TENM3: variants seen among roughly 807,000 people sequenced by gnomAD.
TENM3 encodes the protein teneurin transmembrane protein 3.
In TENM3, 63 loss-of-function variants were observed where a neutral mutation model predicts 255.1. The ratio of observed to expected loss-of-function variants is 0.25; its 90% CI spans 0.20 to 0.30. The LOEUF is 0.30. TENM3 is among the 10% of genes least tolerant of loss of function. The pLI, the probability that TENM3 is intolerant of heterozygous loss-of-function variation, is 1.00. For missense variants in TENM3, 2,929 were observed against 3,461.1 expected (o/e 0.85, Z 3.86); for synonymous variants, 1,306 against 1,322.3 (o/e 0.99, Z 0.27).
the TENM3 span, among the ~76,000 whole-genome samples, chr4:181,879,926 A>G: frequency 6.6e-6 from 1 of 152,238 alleles, no homozygotes; most frequent in East Asian, 1.9e-4. Flanking sequence ...TTTTAAAAAT[A>G]AAATAAGTGA....
rs568250146 is a variant in TENM3, at chr4:182,643,238, G to A, written c.989-10533G>A. Among the ~76,000 whole-genome samples the A allele has an allele frequency of 2.8e-4, 43 of 152,122 alleles. No homozygotes were observed. The East Asian group carries it at 6.9e-3, about 25-fold the overall frequency. ...AGCACATGAAATACACATGTGCATC[G>A]TGTATATTTATGTATTCATGAAATT... On this transcript the variant is annotated intron_variant, in intron 5 of 27. Transcript: ENST00000511685.
chr4:181,629,842 C>T, the TENM3 span, among the ~76,000 whole-genome samples: 1 of 152,128 alleles, frequency 6.6e-6, no homozygotes, highest in Non-Finnish European at 1.5e-5. Flanking sequence ...CAGGATGATG[C>T]CGACCTCATA....
intron 12 of TENM3, among the ~76,000 whole-genome samples, chr4:182,707,605 T>C (rs890552594): frequency 6.6e-5 from 10 of 152,240 alleles, no homozygotes; most frequent in African/African-American, 2.2e-4. Flanking sequence ...TTTGTTGATA[T>C]TGAAAATTTA....
At chr4:182,197,949 A>G (rs1174400288) in intron 1 of TENM3, among the ~76,000 whole-genome samples, 1 of 152,120 alleles carries the variant, frequency 6.6e-6, no homozygotes, top group African/African-American at 2.4e-5. Flanking sequence ...TACTAAAAAT[A>G]CATAACTTAG....
the TENM3 span, among the ~76,000 whole-genome samples, chr4:181,690,063 C>G: frequency 6.6e-6 from 1 of 152,102 alleles, no homozygotes; most frequent in African/African-American, 2.4e-5. Context: ...AAATGTGATT[C>G]CCAGGCACCC....
chr4:182,540,509 C>T (rs953250288), intron 3 of TENM3, among the ~76,000 whole-genome samples: 4 of 152,126 alleles, frequency 2.6e-5, no homozygotes, highest in Admixed American at 2.0e-4. Context: ...ATCACTTGAA[C>T]CCAGGAGGCG....
chr4:182,368,805 T>A (rs559714671), intron 3 of TENM3, among the ~76,000 whole-genome samples: 1 of 152,324 alleles, frequency 6.6e-6, no homozygotes, highest in South Asian at 2.1e-4. Context: ...GTACGGCATG[T>A]GCAGCCCATC....
chr4:182,137,342 C>CG, the TENM3 span, among the ~76,000 whole-genome samples: 4 of 151,688 alleles, frequency 2.6e-5, no homozygotes, highest in Non-Finnish European at 5.9e-5. Flanking sequence ...CTCCCCCCCC[C>CG]CAAAAAGGAA....
chr4:181,469,715 T>C, the TENM3 span, among the ~76,000 whole-genome samples: 3 of 152,158 alleles, frequency 2.0e-5, no homozygotes, highest in Non-Finnish European at 4.4e-5. Context: ...ATTTGTCTGG[T>C]TATTTCCCTG....
intron 3 of TENM3, among the ~76,000 whole-genome samples, chr4:182,433,149 A>G (rs1198201350): frequency 6.6e-6 from 1 of 152,160 alleles, no homozygotes; most frequent in Non-Finnish European, 1.5e-5. Flanking sequence ...AAATATTTTG[A>G]ATCTAACCAG....
At chr4:182,714,314 C>CAA (rs1758981844) in intron 13 of TENM3, 81 bp downstream of exon 13, 1 of 121,848 alleles carries the variant, frequency 8.2e-6, no homozygotes, top group Non-Finnish European at 1.2e-5. Context: ...ATATCTGTTG[C>CAA]CAAAAAAAAA....
intron 1 of TENM3, among the ~76,000 whole-genome samples, chr4:182,219,216 T>G (rs1755703614): frequency 6.6e-6 from 1 of 152,050 alleles, no homozygotes; most frequent in Non-Finnish European, 1.5e-5. Context: ...AGCAAGACTC[T>G]GTCTCCAAAA....
chr4:182,723,859 G>A (rs1354405497), intron 13 of TENM3, among the ~76,000 whole-genome samples: 5 of 152,204 alleles, frequency 3.3e-5, no homozygotes, highest in Middle Eastern at 3.4e-3. Flanking sequence ...TTGAACAGTC[G>A]CCATAGAGAC....
chr4:182,679,149 G>A lies in TENM3; in HGVS notation c.1327-517G>A, dbSNP rs1755901483. Among the ~76,000 whole-genome samples, 7 of 152,076 alleles carry A rather than the reference G, an allele frequency of 4.6e-5. No homozygotes were observed. The South Asian group carries it at 1.5e-3, about 32-fold the overall frequency. On this transcript the variant is annotated intron_variant, in intron 7 of 27. Transcript: ENST00000511685. ...GGTGCAGCAAACCACCATGGCACGTGTATACCTATGTAACAAACCAGCACA... is the reference window on the plus strand; with the variant it reads ...GGTGCAGCAAACCACCATGGCACGTATATACCTATGTAACAAACCAGCACA...
the TENM3 span, among the ~76,000 whole-genome samples, chr4:182,037,150 A>ATTTTTTTTTTTTTTTATT: frequency 6.9e-6 from 1 of 144,682 alleles, no homozygotes; most frequent in African/African-American, 2.6e-5. Context: ...AACTCCTTTT[A>ATTTTTTTTTTTTTTTATT]TTTTTTTTTT....
At chr4:181,625,631 T>A in the TENM3 span, among the ~76,000 whole-genome samples, 1 of 151,948 alleles carries the variant, frequency 6.6e-6, no homozygotes, top group Non-Finnish European at 1.5e-5. Context: ...GCTAACACGA[T>A]GAAACCCCGT....
chr4:181,736,033 C>T, the TENM3 span, among the ~76,000 whole-genome samples: 2 of 152,158 alleles, frequency 1.3e-5, no homozygotes, highest in South Asian at 2.1e-4. Context: ...CATGGTGGCT[C>T]AAGCCTGTAA....
At chr4:181,497,303 A>G in the TENM3 span, among the ~76,000 whole-genome samples, 1 of 152,210 alleles carries the variant, frequency 6.6e-6, no homozygotes, top group Non-Finnish European at 1.5e-5. Flanking sequence ...AGTTATAATG[A>G]AACTACCTAT....
At chr4:181,767,007 C>G in the TENM3 span, among the ~76,000 whole-genome samples, 1 of 150,482 alleles carries the variant, frequency 6.6e-6, no homozygotes, top group South Asian at 2.1e-4. Context: ...AATCCCAGCA[C>G]TTTGGGAGGC....
Sources: allele counts gnomAD v4.1 joint callset (sites outside exome capture counted in the v4.1 genomes callset), GRCh38; gene constraint gnomAD v4.1.1; transcripts MANE v1.5; gene names NCBI Gene and HGNC (gene_info 2026-07-23, HGNC 2026-07-21).